PPP1R12A: variants seen among roughly 807,000 people sequenced by gnomAD.
PPP1R12A encodes protein phosphatase 1 regulatory subunit 12A.
PPP1R12A carries 19 observed loss-of-function variants against 139.6 expected under a neutral mutation model. The ratio of observed to expected loss-of-function variants is 0.14; its 90% CI spans 0.09 to 0.20. The LOEUF is 0.20. Among genes scored for constraint, PPP1R12A ranks in the 10% least tolerant of loss-of-function variants. The probability of loss-of-function intolerance (pLI) is 1.00; values close to 1 mark genes in which losing one functional copy is unlikely to be tolerated. For missense variants in PPP1R12A, 925 were observed against 1,211.5 expected (o/e 0.76, Z 3.51); for synonymous variants, 427 against 420.6 (o/e 1.02, Z -0.19).
At chr12:79,821,929 A>C (rs1311942224) in intron 6 of PPP1R12A, among the ~76,000 whole-genome samples, 187 bp downstream of exon 6, 1 of 152,146 alleles carries the variant, frequency 6.6e-6, no homozygotes, top group Non-Finnish European at 1.5e-5. Context: ...AGGAAATAGA[A>C]ATGGGGATAA....
At chr12:79,881,656 C>G (rs1259153039) in intron 1 of PPP1R12A, among the ~76,000 whole-genome samples, 1 of 152,196 alleles carries the variant, frequency 6.6e-6, no homozygotes, top group Non-Finnish European at 1.5e-5. Flanking sequence ...GCTAAAATCA[C>G]TGATGAAGGT....
At chr12:79,897,327 T>C (rs1592789879) in intron 1 of PPP1R12A, among the ~76,000 whole-genome samples, 1 of 152,150 alleles carries the variant, frequency 6.6e-6, no homozygotes, top group African/African-American at 2.4e-5. Flanking sequence ...TTCTAACTTA[T>C]AAGTGTGAGC....
intron 1 of PPP1R12A, among the ~76,000 whole-genome samples, chr12:79,917,483 C>CAAA (rs59586178): frequency 3.2e-4 from 25 of 78,876 alleles, no homozygotes; most frequent in African/African-American, 9.4e-4. Context: ...GACTCTGTCT[C>CAAA]AAAAAAAAAA....
intron 2 of PPP1R12A, among the ~76,000 whole-genome samples, chr12:79,857,543 C>T (rs1880819590): frequency 6.6e-6 from 1 of 151,580 alleles, no homozygotes; most frequent in South Asian, 2.1e-4. Flanking sequence ...GCACATTGTG[C>T]ACATGTACCC....
At chr12:79,830,282 T>C (rs1039051552) in intron 4 of PPP1R12A, among the ~76,000 whole-genome samples, 8 of 152,162 alleles carry the variant, frequency 5.3e-5, no homozygotes, top group African/African-American at 1.9e-4. Flanking sequence ...TAAATACAAA[T>C]GATACATACT....
rs146349951 is a variant in PPP1R12A at position 79,930,634 on chromosome 12, T to C, written c.237+4061A>G. ...CTAAAAATACAAAATTAGCTGGGCA[T>C]GGTGGCACACGTCTGTAATCCCAGC... On this transcript the variant is annotated intron_variant, in intron 1 of 24. Transcript: ENST00000450142. Among the ~76,000 whole-genome samples the C allele has an allele frequency of 3.3e-3, 495 of 152,164 alleles. 2 individuals are homozygous for C. Among genetic ancestry groups the C allele is most frequent in the African/African-American group, 0.011 (476 of 41,496 alleles).
chr12:79,775,810 G>T lies in PPP1R12A; in HGVS notation c.*119C>A. On this transcript the variant is annotated 3_prime_UTR_variant, in exon 25 of 25. Coordinates refer to ENST00000450142, the MANE Select transcript of PPP1R12A (RefSeq NM_002480.3). ...AAAAATTCTAGATAAGAGGGCATTT[G>T]GCAGGATATCCGAAAATGACAGTCT... 1 of 553,790 alleles carries T rather than the reference G, an allele frequency of 1.8e-6. No homozygotes were observed. The highest frequency in any genetic ancestry group is 2.9e-6 in the Non-Finnish European group (1 of 339,840). The allele number at this position is 553,790 out of a possible 1,614,324, so 34.3% of individuals were successfully genotyped here.
At chr12:79,890,272 A>G (rs960993057) in intron 1 of PPP1R12A, among the ~76,000 whole-genome samples, 2 of 152,208 alleles carry the variant, frequency 1.3e-5, no homozygotes, top group Non-Finnish European at 2.9e-5. Flanking sequence ...AAGGATTTAA[A>G]TATCATACAC....
chr12:79,867,530 GA>G (rs34071275), intron 2 of PPP1R12A, among the ~76,000 whole-genome samples: 117,631 of 149,620 alleles, frequency 0.79, 48,371 homozygotes, highest in Non-Finnish European at 0.92. Flanking sequence ...ACTTAAACTA[GA>G]AAAAAAAAAA....
At chr12:79,917,292 C>G (rs1887071869) in intron 1 of PPP1R12A, among the ~76,000 whole-genome samples, 1 of 151,924 alleles carries the variant, frequency 6.6e-6, no homozygotes, top group Non-Finnish European at 1.5e-5. Context: ...CGAGACCAGC[C>G]TGACCAACAT....
At chr12:79,885,383 TTTAAA>T (rs1420995737) in intron 1 of PPP1R12A, among the ~76,000 whole-genome samples, 1 of 152,170 alleles carries the variant, frequency 6.6e-6, no homozygotes, top group African/African-American at 2.4e-5. Flanking sequence ...TTCTTCCCCA[TTTAAA>T]TTATTTTCTC....
intron 2 of PPP1R12A, among the ~76,000 whole-genome samples, chr12:79,847,666 ACAGT>A (rs1879564018): frequency 1.3e-5 from 2 of 152,136 alleles, no homozygotes; most frequent in Admixed American, 1.3e-4. Flanking sequence ...GTCTAGTAAG[ACAGT>A]CAGATTAAAT....
rs1489950492 is a variant in PPP1R12A, at chr12:79,934,754, G to A, written c.178C>T (p.Leu60=). The A allele has an allele frequency of 6.4e-7, 1 of 1,551,572 alleles. No individual in the cohort carries two copies. The highest frequency in any genetic ancestry group is 8.7e-7 in the Non-Finnish European group (1 of 1,147,014). The change falls in exon 1 of 25, where the codon CTG becomes TTG. Residue 60 remains leucine (L), a synonymous_variant. Transcript: ENST00000450142. Reference sequence around the variant, plus strand: ...TAATTGATGTCGGCGCCGCGGTGCAGCAGCTTGAGGACCTCGTCCGTGTCG... The same window carrying A: ...TAATTGATGTCGGCGCCGCGGTGCAACAGCTTGAGGACCTCGTCCGTGTCG... ...SGDTDEVLKL[L]HRGADINYAN...
chr12:79,927,664 A>G (rs1466432257), intron 1 of PPP1R12A, among the ~76,000 whole-genome samples: 1 of 152,244 alleles, frequency 6.6e-6, no homozygotes, highest in Non-Finnish European at 1.5e-5. Flanking sequence ...ACAGACCTGC[A>G]TAAGAATTCC....
intron 2 of PPP1R12A, among the ~76,000 whole-genome samples, chr12:79,867,993 G>GT (rs1882167295): frequency 6.6e-6 from 1 of 152,158 alleles, no homozygotes; most frequent in African/African-American, 2.4e-5. Context: ...GTCTTGAGCA[G>GT]TTTTTTACAA....
chr12:79,825,141 G>A (rs1876613527), intron 5 of PPP1R12A: 1 of 151,946 alleles, frequency 6.6e-6, no homozygotes, highest in Non-Finnish European at 1.5e-5. Context: ...ATACAATCTA[G>A]GTCTCTACTA....
rs535134121 is a variant in PPP1R12A, at chr12:79,872,182, A to C, written c.368+626T>G. 1.3e-5 allele frequency among the ~76,000 whole-genome samples: 2 copies of C among 152,262 alleles called. 1 individual carries two copies. The highest frequency in any genetic ancestry group is 4.8e-5 in the African/African-American group (2 of 41,552). On this transcript the variant is annotated intron_variant, in intron 2 of 24. Coordinates refer to ENST00000450142, the MANE Select transcript of PPP1R12A (RefSeq NM_002480.3). ...TTCATATATGAGCAGAGAGACAACA[A>C]AACTGTTTACTGTGTGGATAGATAG...
intron 1 of PPP1R12A, among the ~76,000 whole-genome samples, chr12:79,885,494 A>T (rs1004841745): frequency 6.6e-6 from 1 of 152,156 alleles, no homozygotes; most frequent in Non-Finnish European, 1.5e-5. Flanking sequence ...TTTTAGTGCC[A>T]CTTTTGGTGG....
intron 20 of PPP1R12A, among the ~76,000 whole-genome samples, chr12:79,789,289 T>C (rs1307159710): frequency 6.6e-6 from 1 of 152,160 alleles, no homozygotes; most frequent in Non-Finnish European, 1.5e-5. Flanking sequence ...AAAATTTCCA[T>C]GTTTAAAAGC....
Sources: gnomAD v4.1 joint callset for allele counts (sites outside exome capture counted in the v4.1 genomes callset) on GRCh38, gnomAD v4.1.1 for gene constraint, MANE v1.5 for transcripts, NCBI Gene and HGNC (gene_info 2026-07-23, HGNC 2026-07-21) for gene names.